VSTM4: variants seen among roughly 807,000 people sequenced by gnomAD.
The protein encoded by VSTM4 is V-set and transmembrane domain-containing protein 4.
A neutral mutation model predicts 36.4 loss-of-function variants in VSTM4; 20 were observed. The ratio of observed to expected loss-of-function variants is 0.55; its 90% CI spans 0.39 to 0.80. The LOEUF (loss-of-function observed/expected upper bound fraction) is 0.80, where lower values mean the gene tolerates loss of function less well. VSTM4 is among the 30% of genes least tolerant of loss of function. The probability of loss-of-function intolerance (pLI) is 0.00; values close to 1 mark genes in which losing one functional copy is unlikely to be tolerated. For missense variants in VSTM4, 392 were observed against 404.5 expected, an observed-to-expected ratio of 0.97 and a Z score of 0.26; for synonymous variants, 182 against 173.9, an observed-to-expected ratio of 1.05 and a Z score of -0.37.
chr10:49,017,531 T>C lies in VSTM4; in HGVS notation c.*2119A>G, dbSNP rs573052158. 137 of 152,384 alleles carry C rather than the reference T, an allele frequency of 9.0e-4. No homozygotes were observed. Among genetic ancestry groups the C allele is most frequent in the African/African-American group, 3.0e-3 (125 of 41,594 alleles). The allele number at this position is 152,384 out of a possible 1,614,324, so 9.4% of individuals were successfully genotyped here. A position where few individuals can be genotyped will look rare whatever the true frequency, so the allele number is the denominator to read the frequency against. On this transcript the variant is annotated 3_prime_UTR_variant, in exon 8 of 8. Transcript: ENST00000332853. ...TGGGAGCTACTAGCTCTTAAGAGCA[T>C]GTGTTCTTGGTAGAATGTGTTCCTG...
chr10:49,109,825 C>A (rs145556136), intron 1 of VSTM4, among the ~76,000 whole-genome samples: 69 of 152,334 alleles, frequency 4.5e-4, no homozygotes, highest in Admixed American at 1.7e-3. Context: ...TCATCAGAAG[C>A]CCCTCCTGCA....
At chr10:49,046,402 G>T (rs550245629) in intron 7 of VSTM4, among the ~76,000 whole-genome samples, 1 of 152,168 alleles carries the variant, frequency 6.6e-6, no homozygotes, top group East Asian at 1.9e-4. Flanking sequence ...TGAGATCCTG[G>T]ATTTGGATCC....
intron 5 of VSTM4, among the ~76,000 whole-genome samples, chr10:49,059,004 C>G (rs1054254128): frequency 3.9e-5 from 6 of 152,230 alleles, no homozygotes; most frequent in African/African-American, 1.4e-4. Flanking sequence ...ACTGGCACAA[C>G]AGGGACGGGA....
chr10:49,085,031 G>A (rs867397348), intron 3 of VSTM4, among the ~76,000 whole-genome samples: 2 of 152,374 alleles, frequency 1.3e-5, no homozygotes, highest in Middle Eastern at 6.8e-3. Flanking sequence ...AGTAGCAAAA[G>A]TCACCCACTG....
At chr10:49,057,246 T>C (rs918810399) in intron 5 of VSTM4, among the ~76,000 whole-genome samples, 1 of 152,166 alleles carries the variant, frequency 6.6e-6, no homozygotes, top group African/African-American at 2.4e-5. Flanking sequence ...GGTTTGTAAA[T>C]GACAGAGGGC....
intron 4 of VSTM4, among the ~76,000 whole-genome samples, chr10:49,067,133 T>C (rs1253470779): frequency 6.6e-6 from 1 of 152,256 alleles, no homozygotes; most frequent in Non-Finnish European, 1.5e-5. Context: ...TTTTAAGATG[T>C]CAAAGATGGA....
At chr10:49,034,278 C>A (rs147752348) in intron 7 of VSTM4, among the ~76,000 whole-genome samples, 86 of 152,288 alleles carry the variant, frequency 5.6e-4, no homozygotes, top group African/African-American at 2.0e-3. Context: ...TCAATACTAT[C>A]ATCATCATCA....
chr10:49,050,962 C>G (rs28505677), intron 5 of VSTM4, among the ~76,000 whole-genome samples: 27,092 of 152,072 alleles, frequency 0.18, 2,756 homozygotes, highest in Non-Finnish European at 0.23. Context: ...CTTATAGCCC[C>G]CACCTCCACA....
At position 49,070,080 on chromosome 10, in the gene VSTM4, G is replaced by A. The variant is rs1303797392; in HGVS notation, c.635-5344C>T. Among the ~76,000 whole-genome samples the A allele has an allele frequency of 2.4e-5, 2 of 83,336 alleles. 1 individual carries two copies. The highest frequency in any genetic ancestry group is 1.5e-4 in the African/African-American group (2 of 13,722). The allele number at this position is 83,336 out of a possible 152,430, so 54.7% of individuals were successfully genotyped here. ...ATCCCGGCTAAAACGGTGAAACCCC[G>A]TCTCTACTAAAAATACAAAAAAATC... On this transcript the variant is annotated intron_variant, in intron 4 of 7. Transcript: ENST00000332853.
At chr10:49,025,176 A>G (rs771752467) in intron 7 of VSTM4, among the ~76,000 whole-genome samples, 13 of 152,116 alleles carry the variant, frequency 8.5e-5, no homozygotes, top group Admixed American at 2.6e-4. Context: ...GTGAGAGAAT[A>G]AAGTCTGTTG....
At position 49,107,676 on chromosome 10, in the gene VSTM4, G is replaced by T; in HGVS notation, c.375C>A (p.Tyr125Ter). 1 of 1,614,236 alleles carries T rather than the reference G, an allele frequency of 6.2e-7. No homozygotes were observed. Among genetic ancestry groups the T allele is most frequent in the Non-Finnish European group, 8.5e-7 (1 of 1,180,044 alleles). ...TGCTGATTTCCTGGACTCTGCAGAC[G>T]TAATGCCCTTGATCGGAGGGCTGCA... is the stretch of plus-strand genomic sequence containing the variant. ...LTLQPSDQGH[Y>*]VCRVQEISRH... The change falls in exon 2 of 8, where the codon TAC becomes TAA. Residue 125 changes from tyrosine to a stop codon, truncating the protein, a stop_gained. Transcript: ENST00000332853. LOFTEE classifies it high-confidence loss of function.
In VSTM4 at chr10:49,072,871, C is replaced by T. The variant is rs1006424195; in HGVS notation, c.634+4348G>A. ...ACTCCAGGTGACACTGCCAGAAGAACCACCCAGTTGCACCCAGCCCAGTGC... is the reference window on the plus strand; with the variant it reads ...ACTCCAGGTGACACTGCCAGAAGAATCACCCAGTTGCACCCAGCCCAGTGC... On this transcript the variant is annotated intron_variant, in intron 4 of 7. Transcript: ENST00000332853. Among the ~76,000 whole-genome samples the T allele has an allele frequency of 5.9e-5, 9 of 152,326 alleles. No homozygotes were observed. The East Asian group carries it at 1.5e-3, about 26-fold the overall frequency.
At chr10:49,068,488 C>A (rs141144450) in intron 4 of VSTM4, among the ~76,000 whole-genome samples, 29 of 152,254 alleles carry the variant, frequency 1.9e-4, no homozygotes, top group African/African-American at 6.7e-4. Flanking sequence ...CTTGCTGAGG[C>A]ACCGTTCTGA....
chr10:49,080,735 C>T (rs1463029940), intron 3 of VSTM4, among the ~76,000 whole-genome samples: 1 of 152,310 alleles, frequency 6.6e-6, no homozygotes. Flanking sequence ...ATAGCATCAA[C>T]TGCTGGAAAA....
chr10:49,041,951 G>A (rs115658196), intron 7 of VSTM4, among the ~76,000 whole-genome samples: 1,696 of 152,304 alleles, frequency 0.011, 45 homozygotes, highest in South Asian at 0.056. Flanking sequence ...GAAACAATAT[G>A]TCCTGAGTAA....
chr10:49,039,173 G>C (rs1055062237), intron 7 of VSTM4, among the ~76,000 whole-genome samples: 1 of 152,218 alleles, frequency 6.6e-6, no homozygotes, highest in South Asian at 2.1e-4. Flanking sequence ...GGTGGTGAGT[G>C]AGCCACATCT....
chr10:49,049,146 C>A (rs1029704648), intron 5 of VSTM4, among the ~76,000 whole-genome samples: 2 of 152,178 alleles, frequency 1.3e-5, no homozygotes, highest in Non-Finnish European at 2.9e-5. Flanking sequence ...TCTTCTCTTG[C>A]TGCACCTTTA....
At chr10:49,113,268 T>G (rs904507713) in intron 1 of VSTM4, among the ~76,000 whole-genome samples, 13 of 152,238 alleles carry the variant, frequency 8.5e-5, no homozygotes, top group Non-Finnish European at 1.0e-4. Context: ...TTAACAGTCT[T>G]TGGCACCAGG....
chr10:49,094,940 G>A (rs1284401027), intron 2 of VSTM4, among the ~76,000 whole-genome samples: 1 of 152,146 alleles, frequency 6.6e-6, no homozygotes, highest in African/African-American at 2.4e-5. Context: ...ATATATGTCA[G>A]TAGGACCTCT....
Sources: gnomAD v4.1 joint callset for allele counts (sites outside exome capture counted in the v4.1 genomes callset) on GRCh38, gnomAD v4.1.1 for gene constraint, MANE v1.5 for transcripts, NCBI Gene and HGNC (gene_info 2026-07-23, HGNC 2026-07-21) for gene names.